Variants in ADAM8 observed in about 807,000 individuals in gnomAD.
ADAM8 encodes disintegrin and metalloproteinase domain-containing protein 8.
ADAM8 carries 104 observed loss-of-function variants against 102.4 expected under a neutral mutation model. The observed-to-expected ratio is 1.02, with a 90% CI of 0.87 to 1.20. The LOEUF (loss-of-function observed/expected upper bound fraction) is 1.20, where lower values mean the gene tolerates loss of function less well. Ranked by LOEUF, ADAM8 falls within the 50% of genes most tolerant of loss-of-function variation. ADAM8 has a pLI of 0.00. For synonymous variants in ADAM8, 517 were observed against 485.2 expected, an observed-to-expected ratio of 1.07 and a Z score of -0.86; for missense variants, 1,132 against 1,159.0, an observed-to-expected ratio of 0.98 and a Z score of 0.34.
intron 15 of ADAM8, 96 bp from the exon 16 acceptor site, chr10:133,270,606 C>A (rs1046840770): frequency 1.0e-5 from 16 of 1,540,698 alleles, no homozygotes; most frequent in Non-Finnish European, 1.2e-5. Context: ...CAACACGGTG[C>A]GCTTGAGCCT....
chr10:133,272,553 C>G lies in ADAM8; in HGVS notation c.738G>C (p.Leu246=). Residue 246 remains leucine (L), a synonymous_variant, in exon 9 of 23, where the codon CTG becomes CTC. Coordinates refer to ENST00000445355, the MANE Select transcript of ADAM8 (RefSeq NM_001109.5). ...LYQKLNFRVV[L]VGLEIWNSQD... is the part of the protein sequence containing the mutation. ...GACTATTCCAAATCTCCAGGCCCAC[C>G]AGGACCACACGGAAGTTGAGTTTCT... is the stretch of plus-strand genomic sequence containing the variant. 1 of 1,611,686 alleles carries G rather than the reference C, an allele frequency of 6.2e-7. No individual in the cohort carries two copies. Among genetic ancestry groups the G allele is most frequent in the Admixed American group, 1.7e-5 (1 of 59,952 alleles).
intron 21 of ADAM8, among the ~76,000 whole-genome samples, chr10:133,266,603 G>A (rs976484709): frequency 1.3e-5 from 2 of 152,118 alleles, no homozygotes; most frequent in African/African-American, 4.8e-5. Context: ...CCTCTCTGAG[G>A]ACAGAGGCTG....
At position 133,276,792 on chromosome 10, in the gene ADAM8, A is replaced by G; in HGVS notation, c.26T>C (p.Leu9Pro). ...CTCACCAGGCAGCATCATCGCGCCC[A>G]GCAGCCAGAGCCCGAGGCCGCGCAT... is the stretch of plus-strand genomic sequence containing the variant. MRGLGLWL[L>P]GAMMLPAIAP... Residue 9 changes from leucine to proline, a missense_variant, in exon 1 of 23, where the codon CTG (leucine) becomes CCG (proline). Leu to Pro is a moderately conservative substitution (Grantham distance 98, BLOSUM62 -3). Coordinates refer to ENST00000445355, the MANE Select transcript of ADAM8 (RefSeq NM_001109.5). The G allele has an allele frequency of 6.5e-7, 1 of 1,533,260 alleles. No individual in the cohort carries two copies. The highest frequency in any genetic ancestry group is 8.8e-7 in the Non-Finnish European group (1 of 1,142,418). The allele number at this position is 1,533,260 out of a possible 1,614,324, so 95.0% of individuals were successfully genotyped here.
At chr10:133,266,121 A>G (rs1451778291) in intron 21 of ADAM8, among the ~76,000 whole-genome samples, 1 of 152,028 alleles carries the variant, frequency 6.6e-6, no homozygotes, top group Non-Finnish European at 1.5e-5. Flanking sequence ...CCACACAAGG[A>G]AAGACGGGAC....
chr10:133,274,261 G>T (rs972466916), intron 2 of ADAM8, 26 bp from the exon 3 acceptor site: 1 of 1,516,492 alleles, frequency 6.6e-7, no homozygotes, highest in Non-Finnish European at 8.8e-7. Context: ...AGGGTCCCAG[G>T]TGAGCAGCCT....
rs201876673 is a variant in ADAM8, at chr10:133,271,761, C to T, written c.1106+45G>A. ...GGCCTGGCCCCTTCCCCACCCACCT[C>T]GTACCTCCAGCATACCCTGGCTCTG... On this transcript the variant is annotated intron_variant, in intron 11 of 22. Coordinates refer to ENST00000445355, the MANE Select transcript of ADAM8 (RefSeq NM_001109.5). 1.4e-4 allele frequency: 222 copies of T among 1,600,372 alleles called. 1 individual carries two copies. The Middle Eastern group carries it at 2.0e-3, about 14-fold the overall frequency.
Position 133,268,905 on chromosome 10 carries a change from C to G in ADAM8, c.1949-43G>C, listed in dbSNP as rs1392370121. On this transcript the variant is annotated intron_variant, in intron 18 of 22. Coordinates refer to ENST00000445355, the MANE Select transcript of ADAM8 (RefSeq NM_001109.5). ...CCACATCAGGCAGGCAGGCCGCGACCTCAGGCAGGAGCCAGGGAGGTTCCC... is the reference window on the plus strand; with the variant it reads ...CCACATCAGGCAGGCAGGCCGCGACGTCAGGCAGGAGCCAGGGAGGTTCCC... 3 of 1,585,334 alleles carry G rather than the reference C, an allele frequency of 1.9e-6. No individual in the cohort carries two copies. In the South Asian group the frequency reaches 3.4e-5, roughly 18 times the overall value.
intron 16 of ADAM8, 48 bp downstream of exon 16, chr10:133,270,312 T>C (rs1450573212): frequency 6.4e-7 from 1 of 1,551,054 alleles, no homozygotes; most frequent in Admixed American, 1.8e-5. Context: ...GTGGGGCACA[T>C]GCCCGGGATG....
chr10:133,271,133 G>A, intron 13 of ADAM8, 63 bp from the exon 14 acceptor site: 1 of 1,592,972 alleles, frequency 6.3e-7, no homozygotes, highest in Non-Finnish European at 8.6e-7. Flanking sequence ...GGTCCCTGGT[G>A]CCCCAGGGTC....
chr10:133,275,592 A>G lies in ADAM8; in HGVS notation c.47-5T>C. ...AGGGCCGGCTGGGGGCAATCGCTGC[A>G]GGAGGGAGGGTCAGCAGGCATGAGG... On this transcript the variant is annotated splice_region_variant and splice_polypyrimidine_tract_variant and intron_variant, in intron 1 of 22. Transcript: ENST00000445355. 2 of 1,468,812 alleles carry G rather than the reference A, an allele frequency of 1.4e-6. No homozygotes were observed. Among genetic ancestry groups the G allele is most frequent in the Non-Finnish European group, 9.0e-7 (1 of 1,109,284 alleles). The allele number at this position is 1,468,812 out of a possible 1,614,324, so 91.0% of individuals were successfully genotyped here.
intron 5 of ADAM8, 30 bp downstream of exon 5, chr10:133,273,732 G>A: frequency 6.5e-7 from 1 of 1,544,370 alleles, no homozygotes; most frequent in Non-Finnish European, 8.7e-7. Flanking sequence ...TCCACCTGCG[G>A]GAGCCCTGGC....
At position 133,270,402 on chromosome 10, in the gene ADAM8, C is replaced by A. The variant is rs374238350; in HGVS notation, c.1743G>T (p.Ala581=). 4 of 1,598,508 alleles carry A rather than the reference C, an allele frequency of 2.5e-6. No individual in the cohort carries two copies. Among genetic ancestry groups the A allele is most frequent in the Non-Finnish European group, 3.4e-6 (4 of 1,168,386 alleles). Residue 581 remains alanine (A), a synonymous_variant, in exon 16 of 23, where the codon GCG becomes GCT. Transcript: ENST00000445355. ...CHALTTEDGT[A]YEPVPEGTRC... ...GGGTGCCCTCGGGCACTGGTTCATA[C>A]GCAGTGCCATCCTCTGTGGTGAGCG... is the stretch of plus-strand genomic sequence containing the variant.
chr10:133,272,746 C>CCA, intron 8 of ADAM8, 52 bp downstream of exon 8: 1 of 1,562,900 alleles, frequency 6.4e-7, no homozygotes, highest in South Asian at 1.2e-5. Context: ...CAACACCCCC[C>CCA]CCACCTCCCG....
intron 20 of ADAM8, 43 bp from the exon 21 acceptor site, chr10:133,267,460 C>T (rs1291030795): frequency 1.7e-5 from 26 of 1,557,250 alleles, no homozygotes; most frequent in South Asian, 3.5e-5. Context: ...AGCTGGGACC[C>T]CCGTGCCCCT....
At chr10:133,263,898 C>A in intron 21 of ADAM8, 133 bp from the exon 22 acceptor site, 1 of 744,590 alleles carries the variant, frequency 1.3e-6, no homozygotes, top group Non-Finnish European at 2.0e-6. Context: ...CTGCAGGCTC[C>A]GCCCCCACTG....
Position 133,268,140 on chromosome 10 carries a change from C to T in ADAM8, c.2064-22G>A, listed in dbSNP as rs1846389033. ...GTTCCTGGGGAGGAAGCACAGGGCG[C>T]ATGGTCAGTGTCCGGCCATGGGGCC... is the stretch of plus-strand genomic sequence containing the variant. On this transcript the variant is annotated intron_variant, in intron 19 of 22. Transcript: ENST00000445355. The T allele has an allele frequency of 4.0e-6, 5 of 1,256,532 alleles. No individual in the cohort carries two copies. In the African/African-American group the frequency reaches 7.7e-5, roughly 19 times the overall value. 77.8% of individuals were successfully genotyped at this position (1,256,532 alleles called of 1,614,324 possible).
chr10:133,267,257 G>A, intron 21 of ADAM8, 95 bp downstream of exon 21: 1 of 1,369,698 alleles, frequency 7.3e-7, no homozygotes, highest in Non-Finnish European at 1.0e-6. Context: ...GCCACCTGGG[G>A]ATCCCTGGCC....
rs376157928 is a variant in ADAM8, at chr10:133,263,772, G to A, written c.2320-7C>T. On this transcript the variant is annotated splice_polypyrimidine_tract_variant and splice_region_variant and intron_variant, in intron 21 of 22. Coordinates refer to ENST00000445355, the MANE Select transcript of ADAM8 (RefSeq NM_001109.5). ...CGAACGTTGGCTTGATGACCTGGGA[G>A]GAAACAGACACAGCTGACATGGGTC... 2 of 1,551,140 alleles carry A rather than the reference G, an allele frequency of 1.3e-6. No individual in the cohort carries two copies. The highest frequency in any genetic ancestry group is 2.4e-5 in the East Asian group (1 of 41,424).
chr10:133,270,485 A>T lies in ADAM8; in HGVS notation c.1660T>A (p.Cys554Ser). The T allele has an allele frequency of 6.2e-7, 1 of 1,600,342 alleles. No homozygotes were observed. Among genetic ancestry groups the T allele is most frequent in the Non-Finnish European group, 8.5e-7 (1 of 1,170,068 alleles). ...CCCAGGGGCTGCTGCCCACCCTTGC[A>T]CTGCAGAACGCCACACATGTCAGCC... ...YRADMCGVLQ[C>S]KGGQQPLGRA... Residue 554 changes from cysteine to serine, a missense_variant, in exon 16 of 23, where the codon TGC (cysteine) becomes AGC (serine). Transcript: ENST00000445355.
Sources: allele counts gnomAD v4.1 joint callset (sites outside exome capture counted in the v4.1 genomes callset), GRCh38; gene constraint gnomAD v4.1.1; transcripts MANE v1.5; gene names NCBI Gene and HGNC (gene_info 2026-07-23, HGNC 2026-07-21).